The following SLC9A9 variants were observed in gnomAD, a reference collection of about 807,000 sequenced individuals.
SLC9A9 encodes solute carrier family 9 member A9.
SLC9A9 carries 62 observed loss-of-function variants against 77.8 expected under a neutral mutation model. That is an observed-to-expected ratio of 0.80 (90% confidence interval 0.65 to 0.98). The LOEUF is 0.98. SLC9A9 is among the 50% of genes least tolerant of loss of function. SLC9A9 has a pLI of 0.00. For synonymous variants in SLC9A9, 320 were observed against 283.5 expected (o/e 1.13, Z -1.29); for missense variants, 775 against 774.9 (o/e 1.00, Z 0.00).
intron 12 of SLC9A9, among the ~76,000 whole-genome samples, chr3:143,422,196 A>G (rs930013760): frequency 6.6e-6 from 1 of 152,224 alleles, no homozygotes; most frequent in Non-Finnish European, 1.5e-5. Flanking sequence ...AGATTTCTCA[A>G]AGAACTTAAG....
At chr3:143,546,140 T>A (rs1321083910) in intron 9 of SLC9A9, among the ~76,000 whole-genome samples, 1 of 152,238 alleles carries the variant, frequency 6.6e-6, no homozygotes, top group East Asian at 1.9e-4. Flanking sequence ...TTCCACTATA[T>A]CTTGCTGCTC....
At chr3:143,464,318 A>G (rs1266652456) in intron 12 of SLC9A9, among the ~76,000 whole-genome samples, 9 of 152,236 alleles carry the variant, frequency 5.9e-5, no homozygotes, top group Admixed American at 5.9e-4. Context: ...CTATGAGTTT[A>G]AAGCCATAAT....
At chr3:143,350,982 T>C (rs1000884873) in intron 14 of SLC9A9, among the ~76,000 whole-genome samples, 4 of 152,220 alleles carry the variant, frequency 2.6e-5, no homozygotes, top group African/African-American at 9.6e-5. Context: ...CTCTCTCCTT[T>C]GTGTTCTCAC....
chr3:143,567,411 A>G (rs2037185566), intron 8 of SLC9A9, among the ~76,000 whole-genome samples: 1 of 151,994 alleles, frequency 6.6e-6, no homozygotes, highest in Admixed American at 6.6e-5. Context: ...CCTAATGTCC[A>G]TTTCTCTGTA....
At chr3:143,643,913 G>T (rs2038661900) in intron 6 of SLC9A9, among the ~76,000 whole-genome samples, 1 of 146,814 alleles carries the variant, frequency 6.8e-6, no homozygotes, top group Admixed American at 6.8e-5. Context: ...TACAAGCAGA[G>T]GCAAACAGAG....
intron 14 of SLC9A9, among the ~76,000 whole-genome samples, chr3:143,327,527 T>C (rs1003818392): frequency 1.3e-5 from 2 of 152,230 alleles, no homozygotes; most frequent in Admixed American, 1.3e-4. Context: ...CCATTTCTTA[T>C]GCCCTGAGGC....
chr3:143,415,581 A>G (rs2034177590), intron 12 of SLC9A9, among the ~76,000 whole-genome samples: 1 of 152,210 alleles, frequency 6.6e-6, no homozygotes, highest in African/African-American at 2.4e-5. Flanking sequence ...TTTTAAGCCC[A>G]CTATTGAGAT....
At chr3:143,369,984 C>A (rs1032889711) in intron 13 of SLC9A9, among the ~76,000 whole-genome samples, 1 of 152,208 alleles carries the variant, frequency 6.6e-6, no homozygotes, top group African/African-American at 2.4e-5. Context: ...ATCCTCTAGG[C>A]CCAGTCCAGC....
chr3:143,588,273 T>C (rs2037580103), intron 6 of SLC9A9, among the ~76,000 whole-genome samples: 1 of 152,202 alleles, frequency 6.6e-6, no homozygotes, highest in South Asian at 2.1e-4. Flanking sequence ...ATTTTCCAAT[T>C]TCCTCCAGGC....
intron 14 of SLC9A9, among the ~76,000 whole-genome samples, chr3:143,336,223 T>C (rs890680141): frequency 6.6e-6 from 1 of 152,126 alleles, no homozygotes; most frequent in African/African-American, 2.4e-5. Flanking sequence ...ATGGCTACTA[T>C]CATAAAAACA....
At chr3:143,795,460 C>T (rs1242677572) in intron 3 of SLC9A9, among the ~76,000 whole-genome samples, 1 of 147,948 alleles carries the variant, frequency 6.8e-6, no homozygotes, top group Non-Finnish European at 1.5e-5. Flanking sequence ...ATTCCTTTAG[C>T]ATTAAAACAA....
intron 13 of SLC9A9, among the ~76,000 whole-genome samples, chr3:143,369,446 T>C (rs186866196): frequency 2.6e-5 from 4 of 152,216 alleles, no homozygotes; most frequent in South Asian, 2.1e-4. Flanking sequence ...GGGGTGAATA[T>C]AGTTAACAGT....
chr3:143,598,512 C>A (rs747783495), intron 6 of SLC9A9, among the ~76,000 whole-genome samples: 1 of 152,232 alleles, frequency 6.6e-6, no homozygotes, highest in Non-Finnish European at 1.5e-5. Flanking sequence ...TTTTCTCAGG[C>A]AGATTCTTTG....
At chr3:143,568,334 T>A (rs1449773939) in intron 8 of SLC9A9, among the ~76,000 whole-genome samples, 1 of 152,118 alleles carries the variant, frequency 6.6e-6, no homozygotes, top group East Asian at 1.9e-4. Context: ...GAAGATGTTA[T>A]CCATTGGAGT....
rs189766168 is a variant in SLC9A9, at chr3:143,761,005, T to C, written c.533+33996A>G. Among the ~76,000 whole-genome samples, 258 of 152,128 alleles carry C rather than the reference T, an allele frequency of 1.7e-3. 1 individual carries two copies. The highest frequency in any genetic ancestry group is 6.0e-3 in the African/African-American group (250 of 41,474). Reference sequence around the variant, plus strand: ...GTATCAAAACAGAGACACAGACCAATGGAACAGAACAGAGCCCTCAGAAAT... The same window carrying C: ...GTATCAAAACAGAGACACAGACCAACGGAACAGAACAGAGCCCTCAGAAAT... On this transcript the variant is annotated intron_variant, in intron 4 of 15. Transcript: ENST00000316549.
chr3:143,704,955 G>A (rs1933918243), intron 4 of SLC9A9, among the ~76,000 whole-genome samples: 1 of 150,712 alleles, frequency 6.6e-6, no homozygotes, highest in Non-Finnish European at 1.5e-5. Context: ...TGGCCCCATT[G>A]CACTCCAGCC....
At chr3:143,639,484 T>C (rs1477361262) in intron 6 of SLC9A9, among the ~76,000 whole-genome samples, 2 of 152,174 alleles carry the variant, frequency 1.3e-5, no homozygotes, top group African/African-American at 2.4e-5. Flanking sequence ...ATGACACTGA[T>C]GCATCATGAC....
chr3:143,344,900 A>G (rs1458098841), intron 14 of SLC9A9, among the ~76,000 whole-genome samples: 2 of 152,220 alleles, frequency 1.3e-5, no homozygotes, highest in Non-Finnish European at 2.9e-5. Context: ...ACTTTCAACC[A>G]AATAATAATA....
At chr3:143,438,160 C>T (rs956970576) in intron 12 of SLC9A9, among the ~76,000 whole-genome samples, 1 of 152,180 alleles carries the variant, frequency 6.6e-6, no homozygotes, top group African/African-American at 2.4e-5. Flanking sequence ...ACAAAATGTG[C>T]TTATACAGGC....
Sources: gnomAD v4.1 joint callset for allele counts (sites outside exome capture counted in the v4.1 genomes callset) on GRCh38, gnomAD v4.1.1 for gene constraint, MANE v1.5 for transcripts, NCBI Gene and HGNC (gene_info 2026-07-23, HGNC 2026-07-21) for gene names.